SCIMP: variants seen among roughly 807,000 people sequenced by gnomAD.
SCIMP encodes SLP adapter and CSK-interacting membrane protein.
In SCIMP, 18 loss-of-function variants were observed where a neutral mutation model predicts 22.0. The observed-to-expected ratio is 0.82, with a 90% confidence interval of 0.56 to 1.21. SCIMP has a LOEUF of 1.21. SCIMP is among the 50% of genes most tolerant of loss of function. SCIMP has a pLI of 0.00. For missense variants in SCIMP, 155 were observed against 171.2 expected (o/e 0.91, Z 0.53); for synonymous variants, 53 against 62.2 (o/e 0.85, Z 0.70).
chr17:5,217,681 C>G (rs1320978040), intron 3 of SCIMP, among the ~76,000 whole-genome samples: 1 of 150,172 alleles, frequency 6.7e-6, no homozygotes, highest in Admixed American at 6.7e-5. Flanking sequence ...TTTGTCCCTG[C>G]GATAGTTTGC....
chr17:5,224,061 G>A (rs1387825532), intron 1 of SCIMP, among the ~76,000 whole-genome samples: 3 of 152,220 alleles, frequency 2.0e-5, no homozygotes, highest in Non-Finnish European at 4.4e-5. Flanking sequence ...CTCTAGAAAT[G>A]GTAGACATCA....
At chr17:5,221,157 T>G (rs769614636) in intron 3 of SCIMP, 130 bp downstream of exon 3, 2 of 752,306 alleles carry the variant, frequency 2.7e-6, no homozygotes, top group African/African-American at 1.7e-5. Context: ...ATTTGGCAGG[T>G]GTGAAGTCTC....
chr17:5,210,871 C>T lies in SCIMP; in HGVS notation c.368G>A (p.Ser123Asn). The T allele has an allele frequency of 6.2e-7, 1 of 1,614,074 alleles. No individual in the cohort carries two copies. Among genetic ancestry groups the T allele is most frequent in the South Asian group, 1.1e-5 (1 of 91,064 alleles). ...VKNKKTVSIPSYIEPEDDYDD... is the reference protein window; with the variant it reads ...VKNKKTVSIPNYIEPEDDYDD... ...ATAGTCATCTTCAGGCTCAATGTAG[C>T]TTGGGATGGAAACAGTCTTCTTATT... Residue 123 changes from serine (S) to asparagine (N), a missense_variant, in exon 5 of 5, where the codon AGC (serine) becomes AAC (asparagine). Transcript: ENST00000574081.
intron 4 of SCIMP, chr17:5,213,785 T>C (rs1215619508): frequency 1.3e-5 from 2 of 152,094 alleles, no homozygotes; most frequent in Non-Finnish European, 2.9e-5. Context: ...GAAGTGGAGA[T>C]TGCAGTGAGC....
chr17:5,214,838 T>TAAAAAAAAAAAAAAAAAA (rs34085108), intron 4 of SCIMP, 87 bp downstream of exon 4: 1 of 408,378 alleles, frequency 2.4e-6, no homozygotes, highest in African/African-American at 3.6e-5. Context: ...AGACTCCATC[T>TAAAAAAAAAAAAAAAAAA]AAAAAAAAAA....
chr17:5,232,010 T>C (rs373324664), intron 1 of SCIMP, among the ~76,000 whole-genome samples: 45 of 151,876 alleles, frequency 3.0e-4, no homozygotes, highest in Admixed American at 6.6e-4. Flanking sequence ...GAGCCGAGAT[T>C]GCGCCACTGC....
In SCIMP at chr17:5,210,938, T is replaced by G. The variant is rs1296803100; in HGVS notation, c.301A>C (p.Ser101Arg). The change falls in exon 5 of 5, where the codon AGT becomes CGT. Residue 101 changes from serine (S) to arginine (R), a missense_variant. Transcript: ENST00000574081. ...LEDSSPQEAP[S>R]QPPATYSLVN... ...AGTGAGTATGTAGCGGGCGGCTGAC[T>G]TGGGGCTTCCTGTGGGGCTAGAATA... 1.2e-6 allele frequency: 2 copies of G among 1,611,880 alleles called. No individual in the cohort carries two copies. Among genetic ancestry groups the G allele is most frequent in the African/African-American group, 1.3e-5 (1 of 74,786 alleles).
At chr17:5,234,674 C>T in intron 1 of SCIMP, 61 bp downstream of exon 1, 1 of 1,578,970 alleles carries the variant, frequency 6.3e-7, no homozygotes, top group Non-Finnish European at 8.7e-7. Context: ...GATGCCAGCG[C>T]TGGCAGATGT....
chr17:5,234,258 C>G (rs1053436854), intron 1 of SCIMP, among the ~76,000 whole-genome samples: 8 of 151,986 alleles, frequency 5.3e-5, no homozygotes, highest in Non-Finnish European at 1.2e-4. Flanking sequence ...GCGACAAGAG[C>G]GAAACTCCAT....
intron 3 of SCIMP, among the ~76,000 whole-genome samples, chr17:5,218,826 G>A (rs1455139378): frequency 2.0e-5 from 3 of 152,138 alleles, no homozygotes; most frequent in Admixed American, 2.0e-4. Flanking sequence ...GTCTCACTAT[G>A]TTGTCCAGGC....
chr17:5,228,043 G>A (rs2074664894), intron 1 of SCIMP, among the ~76,000 whole-genome samples: 1 of 152,046 alleles, frequency 6.6e-6, no homozygotes, highest in African/African-American at 2.4e-5. Context: ...ATGGTGGTGT[G>A]CACCTGTAAT....
In SCIMP at chr17:5,223,459, G is replaced by A. The variant is rs756440354; in HGVS notation, c.22-3C>T. The stretch of plus-strand genomic sequence containing the variant: ...CACCAGCTCATTGCAGTGGAATCCT[G>A]AGAAGAATGGAGAGAGAAGAATGAG... On this transcript the variant is annotated splice_region_variant and splice_polypyrimidine_tract_variant and intron_variant, in intron 1 of 4. Transcript: ENST00000574081. The A allele has an allele frequency of 1.2e-6, 2 of 1,613,596 alleles. No individual in the cohort carries two copies. The highest frequency in any genetic ancestry group is 1.7e-6 in the Non-Finnish European group (2 of 1,179,566).
chr17:5,213,381 G>A (rs1328746353), intron 4 of SCIMP: 2 of 294,160 alleles, frequency 6.8e-6, no homozygotes, highest in Admixed American at 6.5e-5. Flanking sequence ...CAAGTAGCTG[G>A]GACTATAAGT....
intron 1 of SCIMP, among the ~76,000 whole-genome samples, chr17:5,227,716 ACTC>A (rs2074661688): frequency 6.6e-6 from 1 of 151,868 alleles, no homozygotes; most frequent in South Asian, 2.1e-4. Flanking sequence ...GCACGCACCA[ACTC>A]CTCCACCTTC....
chr17:5,228,078 A>C (rs2074665053), intron 1 of SCIMP, among the ~76,000 whole-genome samples: 1 of 152,184 alleles, frequency 6.6e-6, no homozygotes, highest in South Asian at 2.1e-4. Flanking sequence ...AGGCTGAGGC[A>C]GGAGAATTGC....
At chr17:5,228,823 G>A (rs997062348) in intron 1 of SCIMP, among the ~76,000 whole-genome samples, 22 of 152,192 alleles carry the variant, frequency 1.4e-4, no homozygotes, top group Admixed American at 3.3e-4. Context: ...TGTTTCTAGC[G>A]CCTAGAACAT....
intron 1 of SCIMP, among the ~76,000 whole-genome samples, chr17:5,232,351 T>TAAAC (rs1173209966): frequency 2.0e-5 from 3 of 151,570 alleles, no homozygotes; most frequent in East Asian, 1.9e-4. Flanking sequence ...GGGTGGAATA[T>TAAAC]AAACAGTGCA....
At chr17:5,224,798 AG>A (rs1292857961) in intron 1 of SCIMP, among the ~76,000 whole-genome samples, 2 of 152,130 alleles carry the variant, frequency 1.3e-5, no homozygotes, top group Non-Finnish European at 2.9e-5. Context: ...AATGCATAGC[AG>A]GGGAGAGAAA....
intron 4 of SCIMP, among the ~76,000 whole-genome samples, chr17:5,212,431 G>A (rs780919103): frequency 1.3e-5 from 2 of 152,118 alleles, no homozygotes; most frequent in Non-Finnish European, 2.9e-5. Context: ...TCAGGAGATC[G>A]AGATCATCCT....
Sources: allele counts gnomAD v4.1 joint callset (sites outside exome capture counted in the v4.1 genomes callset), GRCh38; gene constraint gnomAD v4.1.1; transcripts MANE v1.5; gene names NCBI Gene and HGNC (gene_info 2026-07-23, HGNC 2026-07-21).